MSI2: variants seen among roughly 807,000 people sequenced by gnomAD.
MSI2 encodes musashi RNA binding protein 2.
MSI2 carries 17 observed loss-of-function variants against 45.6 expected under a neutral mutation model. The observed-to-expected ratio is 0.37, with a 90% CI of 0.26 to 0.56. MSI2 has a LOEUF of 0.56. MSI2 is among the 20% of genes least tolerant of loss of function. The pLI, the probability that MSI2 is intolerant of heterozygous loss-of-function variation, is 0.77. For missense variants in MSI2, 293 were observed against 444.2 expected, an observed-to-expected ratio of 0.66 and a Z score of 3.06; for synonymous variants, 156 against 158.2, an observed-to-expected ratio of 0.99 and a Z score of 0.11.
At chr17:57,314,318 A>AT (rs1247204361) in intron 5 of MSI2, among the ~76,000 whole-genome samples, 4 of 152,044 alleles carry the variant, frequency 2.6e-5, no homozygotes, top group African/African-American at 9.7e-5. Flanking sequence ...CTTCAACATG[A>AT]TTTTTTCAGG....
At chr17:57,507,958 T>G (rs963938657) in intron 6 of MSI2, among the ~76,000 whole-genome samples, 5 of 152,246 alleles carry the variant, frequency 3.3e-5, no homozygotes, top group African/African-American at 1.2e-4. Context: ...CTGCATTTTC[T>G]TTTTAATCCT....
In MSI2 at chr17:57,529,956, C is replaced by T. The variant is rs555187750; in HGVS notation, c.454+232C>T. Among the ~76,000 whole-genome samples, 1 of 152,312 alleles carries T rather than the reference C, an allele frequency of 6.6e-6. No individual in the cohort carries two copies. The highest frequency in any genetic ancestry group is 1.9e-4 in the East Asian group (1 of 5,182). On this transcript the variant is annotated intron_variant, in intron 7 of 13. Coordinates refer to ENST00000284073, the MANE Select transcript of MSI2 (RefSeq NM_138962.4). This position sits in a 1 kb window ranked among gnomAD's most constrained non-coding sequence, Gnocchi z 5.3. ...GCCTAGGAACTCCTGTTTAGTTATG[C>T]AGCCATCCCTGACACACATATTCAG...
chr17:57,591,790 G>C (rs1456844941), intron 7 of MSI2, among the ~76,000 whole-genome samples: 1 of 151,878 alleles, frequency 6.6e-6, no homozygotes, highest in African/African-American at 2.4e-5. Flanking sequence ...GAAATGGGGA[G>C]TTATTTAACG....
At chr17:57,283,819 C>T (rs916040017) in intron 5 of MSI2, among the ~76,000 whole-genome samples, 1 of 152,174 alleles carries the variant, frequency 6.6e-6, no homozygotes. Flanking sequence ...GTGGGGCCTG[C>T]CGGGTCCAGG....
the MSI2 span, among the ~76,000 whole-genome samples, chr17:57,698,893 G>A: frequency 2.6e-4 from 2 of 7,588 alleles, no homozygotes; most frequent in South Asian, 5.6e-3. Context: ...ATACAAGGAA[G>A]TGTGTGTGTG....
chr17:57,498,331 G>C (rs1019413817), intron 6 of MSI2, among the ~76,000 whole-genome samples: 2 of 152,242 alleles, frequency 1.3e-5, no homozygotes, highest in African/African-American at 4.8e-5. Flanking sequence ...TTGTTCTCTT[G>C]CTTGTTTTTA....
chr17:57,492,704 A>G (rs907314448), intron 6 of MSI2, among the ~76,000 whole-genome samples: 1 of 152,160 alleles, frequency 6.6e-6, no homozygotes, highest in Non-Finnish European at 1.5e-5. Flanking sequence ...GGTTCAAGCA[A>G]TTCTCCTGCC....
intron 7 of MSI2, among the ~76,000 whole-genome samples, chr17:57,541,321 G>A (rs568767583): frequency 6.6e-6 from 1 of 152,256 alleles, no homozygotes; most frequent in African/African-American, 2.4e-5. Flanking sequence ...TCATTAGAGT[G>A]GCGTTTCTAG....
intron 11 of MSI2, among the ~76,000 whole-genome samples, chr17:57,669,837 C>T (rs769769398): frequency 3.9e-5 from 6 of 152,192 alleles, no homozygotes; most frequent in Non-Finnish European, 5.9e-5. Context: ...CCGAGCCACA[C>T]GCACAGGCTG....
intron 2 of MSI2, 47 bp from the exon 3 acceptor site, chr17:57,257,419 T>C (rs375143109): frequency 2.7e-4 from 285 of 1,070,814 alleles, no homozygotes; most frequent in Admixed American, 4.2e-4. Context: ...GCTTTTTTTT[T>C]CCACACCTTC....
intron 5 of MSI2, among the ~76,000 whole-genome samples, chr17:57,315,139 G>T (rs1912749353): frequency 6.6e-6 from 1 of 152,184 alleles, no homozygotes; most frequent in Non-Finnish European, 1.5e-5. Context: ...TAAAGCAGGG[G>T]TGCGATGTGG....
chr17:57,426,693 G>T (rs2084498330), intron 6 of MSI2, among the ~76,000 whole-genome samples: 1 of 152,222 alleles, frequency 6.6e-6, no homozygotes, highest in Non-Finnish European at 1.5e-5. Context: ...TGATGAATGG[G>T]TGTCCATACA....
intron 7 of MSI2, among the ~76,000 whole-genome samples, chr17:57,574,037 G>A (rs774809969): frequency 1.3e-4 from 20 of 152,240 alleles, no homozygotes; most frequent in Non-Finnish European, 2.2e-4. Flanking sequence ...CATCCTAGAG[G>A]AGAACAAGTC....
intron 6 of MSI2, among the ~76,000 whole-genome samples, chr17:57,484,201 G>A (rs934094951): frequency 6.6e-6 from 1 of 152,072 alleles, no homozygotes; most frequent in East Asian, 1.9e-4. Context: ...GTTAGCAGTC[G>A]CTTCTCTTTC....
chr17:57,617,803 G>A (rs894997597), intron 9 of MSI2, among the ~76,000 whole-genome samples: 34 of 152,098 alleles, frequency 2.2e-4, no homozygotes, highest in Admixed American at 1.6e-3. Flanking sequence ...GGGCATGGTG[G>A]CTCATGCCTG....
At chr17:57,346,834 T>A (rs558376213) in intron 5 of MSI2, among the ~76,000 whole-genome samples, 1 of 152,164 alleles carries the variant, frequency 6.6e-6, no homozygotes, top group Non-Finnish European at 1.5e-5. Context: ...CTCAAACTCC[T>A]GAGCTCAAGC....
At position 57,683,033 on chromosome 17, in the gene MSI2, G is replaced by A. The variant is rs1298147189; in HGVS notation, c.*3516G>A. Reference sequence around the variant, plus strand: ...CTCGCGCTCTATACCAAACAGCCTCGCGCTCTATCCCAGTCGCCCATTAGC... The same window carrying A: ...CTCGCGCTCTATACCAAACAGCCTCACGCTCTATCCCAGTCGCCCATTAGC... On this transcript the variant is annotated 3_prime_UTR_variant, in exon 14 of 14. Coordinates refer to ENST00000284073, the MANE Select transcript of MSI2 (RefSeq NM_138962.4). The surrounding 1 kb of genome is among the most constrained non-coding windows in gnomAD (Gnocchi z 5.2). The A allele has an allele frequency of 8.7e-6, 2 of 229,666 alleles. No homozygotes were observed. Among genetic ancestry groups the A allele is most frequent in the Non-Finnish European group, 1.7e-5 (2 of 115,942 alleles). The allele number at this position is 229,666 out of a possible 1,614,324, so 14.2% of individuals were successfully genotyped here.
At chr17:57,456,209 G>T (rs765850781) in intron 6 of MSI2, among the ~76,000 whole-genome samples, 1 of 152,218 alleles carries the variant, frequency 6.6e-6, no homozygotes, top group Non-Finnish European at 1.5e-5. Flanking sequence ...CTTTGGCAGG[G>T]AACTCGGGGT....
chr17:57,276,816 C>T (rs7215751), intron 5 of MSI2, among the ~76,000 whole-genome samples: 17,772 of 152,030 alleles, frequency 0.12, 1,423 homozygotes, highest in African/African-American at 0.22. Context: ...TGCCAGGTAA[C>T]GGAGGCGCCT....
Sources: gnomAD v4.1 joint callset for allele counts (sites outside exome capture counted in the v4.1 genomes callset) on GRCh38, gnomAD v4.1.1 for gene constraint, Gnocchi (gnomAD v3.1) non-coding constraint, MANE v1.5 for transcripts, NCBI Gene and HGNC (gene_info 2026-07-23, HGNC 2026-07-21) for gene names.